Variants in HMGN1 observed in about 807,000 individuals in gnomAD.
HMGN1 encodes high mobility group nucleosome binding domain 1.
In HMGN1, 9 loss-of-function variants were observed where a neutral mutation model predicts 18.4. That is an observed-to-expected ratio of 0.49 (90% confidence interval 0.29 to 0.85). HMGN1 has a LOEUF of 0.85. Among genes scored for constraint, HMGN1 ranks in the 40% least tolerant of loss-of-function variants. HMGN1 has a pLI of 0.07. For synonymous variants in HMGN1, 59 were observed against 45.0 expected (o/e 1.31, Z -1.24); for missense variants, 151 against 119.2 (o/e 1.27, Z -1.24).
chr21:39,343,700 T>A (rs1162844820), intron 5 of HMGN1, among the ~76,000 whole-genome samples: 2 of 152,172 alleles, frequency 1.3e-5, no homozygotes, highest in African/African-American at 4.8e-5. Flanking sequence ...TAAACAGAAA[T>A]ACACATGTAA....
chr21:39,348,102 G>C, intron 4 of HMGN1, 190 bp downstream of exon 4: 2 of 879,212 alleles, frequency 2.3e-6, no homozygotes, highest in Non-Finnish European at 3.4e-6. Flanking sequence ...AGCAGCATTA[G>C]TGTGATATAG....
In HMGN1 at chr21:39,344,764, A is replaced by C. The variant is rs962531510; in HGVS notation, c.255+382T>G. ...GATCTATGTTATTATTTAGACCTTT[A>C]AGAAAAATACAAACAAAAACATTTT... is the stretch of plus-strand genomic sequence containing the variant. On this transcript the variant is annotated intron_variant, in intron 5 of 5. Coordinates refer to ENST00000380749, the MANE Select transcript of HMGN1 (RefSeq NM_004965.7). The C allele has an allele frequency of 2.4e-5, 4 of 170,084 alleles. No individual in the cohort carries two copies. In the South Asian group the frequency reaches 6.0e-4, roughly 26 times the overall value. 10.5% of individuals were successfully genotyped at this position (170,084 alleles called of 1,614,324 possible). A position where few individuals can be genotyped will look rare whatever the true frequency, so the allele number is the denominator to read the frequency against.
intron 4 of HMGN1, chr21:39,346,253 C>T: frequency 3.0e-6 from 1 of 331,716 alleles, no homozygotes; most frequent in Non-Finnish European, 5.9e-6. Context: ...AAAATCACTG[C>T]AGGGTGTTCT....
At chr21:39,348,169 T>A in intron 4 of HMGN1, 123 bp downstream of exon 4, 6 of 1,314,836 alleles carry the variant, frequency 4.6e-6, no homozygotes, top group East Asian at 2.4e-5. Flanking sequence ...ACTAGAAAAA[T>A]TATTTACCGT....
At position 39,345,297 on chromosome 21, in the gene HMGN1, T is replaced by C. The variant is rs1275821141; in HGVS notation, c.127-23A>G. The C allele has an allele frequency of 2.5e-6, 4 of 1,596,494 alleles. No individual in the cohort carries two copies. The African/African-American group carries it at 4.0e-5, about 16-fold the overall frequency. Reference sequence around the variant, plus strand: ...ATCCTATGATAGAATAAGAATATATTTTAAGTACATGCTTTACTCCTTATT... The same window carrying C: ...ATCCTATGATAGAATAAGAATATATCTTAAGTACATGCTTTACTCCTTATT... On this transcript the variant is annotated intron_variant, in intron 4 of 5. Transcript: ENST00000380749.
At position 39,345,293 on chromosome 21, in the gene HMGN1, A is replaced by G; in HGVS notation, c.127-19T>C. ...ATTTATCCTATGATAGAATAAGAATATATTTTAAGTACATGCTTTACTCCT... is the reference window on the plus strand; with the variant it reads ...ATTTATCCTATGATAGAATAAGAATGTATTTTAAGTACATGCTTTACTCCT... On this transcript the variant is annotated intron_variant, in intron 4 of 5. Coordinates refer to ENST00000380749, the MANE Select transcript of HMGN1 (RefSeq NM_004965.7). The G allele has an allele frequency of 1.2e-6, 2 of 1,602,674 alleles. No homozygotes were observed. Among genetic ancestry groups the G allele is most frequent in the Middle Eastern group, 1.7e-4 (1 of 6,036 alleles).
chr21:39,344,895 A>G (rs1401864906), intron 5 of HMGN1, among the ~76,000 whole-genome samples: 1 of 152,208 alleles, frequency 6.6e-6, no homozygotes, highest in Non-Finnish European at 1.5e-5. Flanking sequence ...AAAACAAAAC[A>G]AAGATTGAAT....
At chr21:39,345,376 G>T in intron 4 of HMGN1, 102 bp from the exon 5 acceptor site, 1 of 1,132,366 alleles carries the variant, frequency 8.8e-7, no homozygotes, top group Non-Finnish European at 1.3e-6. Flanking sequence ...GTGCCCAGTG[G>T]TGCTGACTTC....
chr21:39,348,524 C>A, intron 2 of HMGN1, 21 bp downstream of exon 2: 9 of 1,613,484 alleles, frequency 5.6e-6, no homozygotes, highest in Non-Finnish European at 7.6e-6. Flanking sequence ...CCACCACCCC[C>A]CGCAGAAGGC....
intron 5 of HMGN1, 80 bp downstream of exon 5, chr21:39,345,066 A>G: frequency 1.4e-6 from 2 of 1,433,616 alleles, no homozygotes; most frequent in Non-Finnish European, 1.8e-6. Context: ...TATCTGCTAC[A>G]AAAAATGTAC....
chr21:39,343,106 T>C lies in HMGN1; in HGVS notation c.*6A>G, dbSNP rs200281138. The C allele has an allele frequency of 2.5e-3, 3,798 of 1,519,406 alleles. 10 individuals are homozygous for C. Among genetic ancestry groups the C allele is most frequent in the Non-Finnish European group, 3.0e-3 (3,340 of 1,098,344 alleles). 94.1% of individuals were successfully genotyped at this position (1,519,406 alleles called of 1,614,324 possible). ...GGGACCACTGATAAGACATGGTATA[T>C]GGTTATTAATCAGACTTGGCTTCTT... On this transcript the variant is annotated 3_prime_UTR_variant, in exon 6 of 6. Transcript: ENST00000380749.
rs1231836842 is a variant in HMGN1, at chr21:39,348,432, C to T, written c.68G>A (p.Arg23Gln). The T allele has an allele frequency of 1.2e-6, 2 of 1,614,188 alleles. No homozygotes were observed. Among genetic ancestry groups the T allele is most frequent in the East Asian group, 4.5e-5 (2 of 44,868 alleles). ...AKEEPKRRSARLSAKPPAKVE... is the reference protein window; with the variant it reads ...AKEEPKRRSAQLSAKPPAKVE... The stretch of plus-strand genomic sequence containing the variant: ...GCTCGCTTTACTTACAGCTGACAAC[C>T]GCGCCGATCTCCTCTTGGGCTTGGA... Residue 23 changes from arginine to glutamine, a missense_variant, in exon 3 of 6, where the codon CGG (arginine) becomes CAG (glutamine). Arg to Gln is a conservative substitution (Grantham distance 43). Coordinates refer to ENST00000380749, the MANE Select transcript of HMGN1 (RefSeq NM_004965.7).
At chr21:39,345,038 T>C in intron 5 of HMGN1, 108 bp downstream of exon 5, 1 of 1,311,738 alleles carries the variant, frequency 7.6e-7, no homozygotes, top group Non-Finnish European at 1.0e-6. Flanking sequence ...CTTTGTTCAA[T>C]ATTATAATGA....
rs531131419 is a variant in HMGN1, at chr21:39,348,346, G to T, written c.79-7C>A. 1 of 1,614,168 alleles carries T rather than the reference G, an allele frequency of 6.2e-7. No individual in the cohort carries two copies. The highest frequency in any genetic ancestry group is 1.1e-5 in the South Asian group (1 of 91,086). ...CCACTTTTGCAGGAGGTTTCTGAAA[G>T]GCAAAAGCAGCACTGAGCGTCCTCA... On this transcript the variant is annotated splice_region_variant and splice_polypyrimidine_tract_variant and intron_variant, in intron 3 of 5. Coordinates refer to ENST00000380749, the MANE Select transcript of HMGN1 (RefSeq NM_004965.7).
chr21:39,343,067 C>A lies in HMGN1; in HGVS notation c.*45G>T, dbSNP rs768530625. On this transcript the variant is annotated 3_prime_UTR_variant, in exon 6 of 6. Coordinates refer to ENST00000380749, the MANE Select transcript of HMGN1 (RefSeq NM_004965.7). Reference sequence around the variant, plus strand: ...GATAAAAATATTCCTCTGGATTGTACAAGAAGGGAGACAGGGACCACTGAT... The same window carrying A: ...GATAAAAATATTCCTCTGGATTGTAAAAGAAGGGAGACAGGGACCACTGAT... 10 of 1,341,810 alleles carry A rather than the reference C, an allele frequency of 7.5e-6. No individual in the cohort carries two copies. The highest frequency in any genetic ancestry group is 1.1e-5 in the Non-Finnish European group (10 of 939,450). 83.1% of individuals were successfully genotyped at this position (1,341,810 alleles called of 1,614,324 possible).
chr21:39,342,450 C>T lies in HMGN1; in HGVS notation c.*662G>A. The T allele has an allele frequency of 5.2e-6, 1 of 191,776 alleles. No homozygotes were observed. The highest frequency in any genetic ancestry group is 1.1e-5 in the Non-Finnish European group (1 of 91,550). 11.9% of individuals were successfully genotyped at this position (191,776 alleles called of 1,614,324 possible). ...TTTTTAAAGTTATTCCAGTGACTTT[C>T]CAGCTTAAAATTTGGAAGCAAATTT... On this transcript the variant is annotated 3_prime_UTR_variant, in exon 6 of 6. Coordinates refer to ENST00000380749, the MANE Select transcript of HMGN1 (RefSeq NM_004965.7).
intron 4 of HMGN1, chr21:39,347,341 A>G (rs867835326): frequency 2.9e-6 from 3 of 1,048,372 alleles, no homozygotes; most frequent in African/African-American, 1.7e-5. Flanking sequence ...TCTGTAAAAA[A>G]TTTAAATTAA....
chr21:39,349,073 G>T lies in HMGN1; in HGVS notation c.-156C>A. 4 of 857,588 alleles carry T rather than the reference G, an allele frequency of 4.7e-6. No homozygotes were observed. The highest frequency in any genetic ancestry group is 6.0e-6 in the Non-Finnish European group (4 of 665,050). 53.1% of individuals were successfully genotyped at this position (857,588 alleles called of 1,614,324 possible). A position where few individuals can be genotyped will look rare whatever the true frequency, so the allele number is the denominator to read the frequency against. On this transcript the variant is annotated 5_prime_UTR_variant, in exon 1 of 6. Transcript: ENST00000380749. ...AGCTGCTGAGACCCACAGCGGGGGC[G>T]GTGGGAGAACCGGATGGAACCGGAT... is the stretch of plus-strand genomic sequence containing the variant.
intron 4 of HMGN1, 158 bp downstream of exon 4, chr21:39,348,134 T>C (rs999982322): frequency 5.2e-6 from 5 of 970,386 alleles, no homozygotes; most frequent in South Asian, 1.6e-5. Flanking sequence ...AGGATGAATA[T>C]ATCCATTACA....
Sources: allele counts gnomAD v4.1 joint callset (sites outside exome capture counted in the v4.1 genomes callset), GRCh38; gene constraint gnomAD v4.1.1; transcripts MANE v1.5; gene names NCBI Gene and HGNC (gene_info 2026-07-23, HGNC 2026-07-21).